ADAMTS3: variants seen among roughly 807,000 people sequenced by gnomAD.
ADAMTS3 encodes ADAM metallopeptidase with thrombospondin type 1 motif 3, also known as A disintegrin and metalloproteinase with thrombospondin motifs 3.
A neutral mutation model predicts 129.0 loss-of-function variants in ADAMTS3; 73 were observed. The ratio of observed to expected loss-of-function variants is 0.57; its 90% confidence interval spans 0.47 to 0.69. The LOEUF is 0.69. Among genes scored for constraint, ADAMTS3 ranks in the 30% least tolerant of loss-of-function variants. The pLI, the probability that ADAMTS3 is intolerant of heterozygous loss-of-function variation, is 0.00. For missense variants in ADAMTS3, 1,457 were observed against 1,514.5 expected (o/e 0.96, Z 0.63); for synonymous variants, 477 against 510.8 (o/e 0.93, Z 0.89).
chr4:72,408,861 A>G lies in ADAMTS3; in HGVS notation c.661+5954T>C, dbSNP rs72852045. Among the ~76,000 whole-genome samples, 887 of 152,100 alleles carry G rather than the reference A, an allele frequency of 5.8e-3. 14 individuals are homozygous for G. The highest frequency in any genetic ancestry group is 0.02 in the African/African-American group (848 of 41,500). ...CAAGACCATAAAACCAAACACCATGAACAATAACAACACATGGACACAGGG... is the reference window on the plus strand; with the variant it reads ...CAAGACCATAAAACCAAACACCATGGACAATAACAACACATGGACACAGGG... On this transcript the variant is annotated intron_variant, in intron 4 of 21. Coordinates refer to ENST00000286657, the MANE Select transcript of ADAMTS3 (RefSeq NM_014243.3).
At chr4:72,556,323 T>C (rs1017837230) in intron 2 of ADAMTS3, among the ~76,000 whole-genome samples, 1 of 151,752 alleles carries the variant, frequency 6.6e-6, no homozygotes, top group African/African-American at 2.4e-5. Context: ...GAAACAGATA[T>C]CTTGGTTTCC....
chr4:72,434,648 T>C (rs1251364663), intron 3 of ADAMTS3, among the ~76,000 whole-genome samples: 1 of 151,824 alleles, frequency 6.6e-6, no homozygotes, highest in Non-Finnish European at 1.5e-5. Flanking sequence ...GTCATGCCCA[T>C]GATTAGGTTA....
chr4:72,553,867 T>C (rs1394527731), intron 2 of ADAMTS3, among the ~76,000 whole-genome samples: 1 of 152,180 alleles, frequency 6.6e-6, no homozygotes, highest in Non-Finnish European at 1.5e-5. Context: ...CTTCAGCCTT[T>C]TCTGTAAAAG....
intron 4 of ADAMTS3, among the ~76,000 whole-genome samples, chr4:72,414,543 C>T: frequency 6.6e-6 from 1 of 151,950 alleles, no homozygotes; most frequent in East Asian, 1.9e-4. Context: ...CAAATTTTAA[C>T]ATAAGCTAGA....
intron 5 of ADAMTS3, among the ~76,000 whole-genome samples, chr4:72,327,343 C>T (rs1442796448): frequency 6.6e-6 from 1 of 151,998 alleles, no homozygotes; most frequent in Non-Finnish European, 1.5e-5. Context: ...AGTAATTTTA[C>T]AACTTTTAGT....
chr4:72,492,762 T>C (rs762298908), intron 3 of ADAMTS3, among the ~76,000 whole-genome samples: 13 of 151,868 alleles, frequency 8.6e-5, no homozygotes, highest in Non-Finnish European at 1.8e-4. Context: ...ATGGTTGATA[T>C]TCATATTTGA....
rs781428734 is a variant in ADAMTS3 at position 72,312,307 on chromosome 4, T to A, written c.1905A>T (p.Pro635=). The A allele has an allele frequency of 1.1e-5, 17 of 1,613,556 alleles. No individual in the cohort carries two copies. In the South Asian group the frequency reaches 1.8e-4, roughly 17 times the overall value. ...EYQNTKHHWL[P]YEHPDPKKRC... ...GCTACTCACGGTCAGGATGTTCATA[T>A]GGCAACCAGTGGTGTTTGGTATTCT... The change falls in exon 13 of 22, where the codon CCA becomes CCT. Residue 635 remains proline, a synonymous_variant. Transcript: ENST00000286657.
intron 2 of ADAMTS3, among the ~76,000 whole-genome samples, chr4:72,557,061 G>A (rs752340366): frequency 3.3e-5 from 5 of 151,744 alleles, no homozygotes; most frequent in Non-Finnish European, 5.9e-5. Context: ...AGAATTGGCT[G>A]GTTAACTACG....
intron 4 of ADAMTS3, among the ~76,000 whole-genome samples, chr4:72,390,854 C>T (rs905129885): frequency 6.6e-6 from 1 of 150,930 alleles, no homozygotes; most frequent in South Asian, 2.1e-4. Context: ...TTCTAACTTC[C>T]CAATGGTGAC....
chr4:72,401,076 C>T (rs928416750), intron 4 of ADAMTS3, among the ~76,000 whole-genome samples: 20 of 151,590 alleles, frequency 1.3e-4, no homozygotes, highest in Non-Finnish European at 2.8e-4. Flanking sequence ...AATAAAAGTT[C>T]AGTTCATCAG....
At chr4:72,497,672 C>T (rs1433916175) in intron 3 of ADAMTS3, among the ~76,000 whole-genome samples, 1 of 151,080 alleles carries the variant, frequency 6.6e-6, no homozygotes, top group Non-Finnish European at 1.5e-5. Context: ...GAAACTAAAG[C>T]CCTAATATTT....
At chr4:72,485,930 G>T (rs765252188) in intron 3 of ADAMTS3, among the ~76,000 whole-genome samples, 3 of 152,184 alleles carry the variant, frequency 2.0e-5, no homozygotes, top group Non-Finnish European at 4.4e-5. Flanking sequence ...TATCTTTGAA[G>T]CAGAGACTGG....
intron 3 of ADAMTS3, among the ~76,000 whole-genome samples, chr4:72,520,295 G>T (rs1045918990): frequency 5.3e-5 from 8 of 152,332 alleles, no homozygotes; most frequent in African/African-American, 1.9e-4. Context: ...AGGGGTCAGG[G>T]ACCCACTTGA....
intron 5 of ADAMTS3, among the ~76,000 whole-genome samples, chr4:72,330,971 CAAAGG>C (rs1719836248): frequency 6.6e-6 from 1 of 151,166 alleles, no homozygotes; most frequent in African/African-American, 2.5e-5. Flanking sequence ...TGGGAAAATA[CAAAGG>C]TTGTAACAAA....
chr4:72,430,972 A>C (rs1199603607), intron 3 of ADAMTS3, among the ~76,000 whole-genome samples: 1 of 152,000 alleles, frequency 6.6e-6, no homozygotes, highest in Non-Finnish European at 1.5e-5. Flanking sequence ...CAAGTAGATG[A>C]AAATTTGAGA....
At chr4:72,425,820 A>C (rs1264756874) in intron 3 of ADAMTS3, among the ~76,000 whole-genome samples, 4 of 151,738 alleles carry the variant, frequency 2.6e-5, no homozygotes, top group Non-Finnish European at 5.9e-5. Context: ...TTATAGCAGC[A>C]TGATTTATAG....
chr4:72,530,008 A>G lies in ADAMTS3; in HGVS notation c.504+18470T>C, dbSNP rs868371556. Among the ~76,000 whole-genome samples, 12 of 12,822 alleles carry G rather than the reference A, an allele frequency of 9.4e-4. 2 individuals are homozygous for G. The South Asian group carries it at 0.025, about 26-fold the overall frequency. 8.4% of individuals were successfully genotyped at this position (12,822 alleles called of 152,430 possible). A position where few individuals can be genotyped will look rare whatever the true frequency, so the allele number is the denominator to read the frequency against. ...AATATATTATATTTATATATAATATATAATATATTATATTTATATATAAAT... is the reference window on the plus strand; with the variant it reads ...AATATATTATATTTATATATAATATGTAATATATTATATTTATATATAAAT... On this transcript the variant is annotated intron_variant, in intron 3 of 21. Coordinates refer to ENST00000286657, the MANE Select transcript of ADAMTS3 (RefSeq NM_014243.3).
intron 3 of ADAMTS3, among the ~76,000 whole-genome samples, chr4:72,500,300 T>C (rs2110023138): frequency 6.6e-6 from 1 of 152,298 alleles, no homozygotes; most frequent in East Asian, 1.9e-4. Context: ...TTTGACTTTT[T>C]AATAATAACC....
At chr4:72,339,390 T>C in intron 5 of ADAMTS3, 104 bp downstream of exon 5, 1 of 981,468 alleles carries the variant, frequency 1.0e-6, no homozygotes, top group Non-Finnish European at 1.6e-6. Flanking sequence ...TGCACATATT[T>C]TGGCACAGTC....
Sources: gnomAD v4.1 joint callset for allele counts (sites outside exome capture counted in the v4.1 genomes callset) on GRCh38, gnomAD v4.1.1 for gene constraint, MANE v1.5 for transcripts, NCBI Gene and HGNC (gene_info 2026-07-23, HGNC 2026-07-21) for gene names.